SLC25A37: variants seen among roughly 807,000 people sequenced by gnomAD.
The protein encoded by SLC25A37 is mitoferrin-1.
In SLC25A37, 17 loss-of-function variants were observed where a neutral mutation model predicts 31.0. The ratio of observed to expected loss-of-function variants is 0.55; its 90% CI spans 0.38 to 0.82. The LOEUF (loss-of-function observed/expected upper bound fraction) is 0.82. SLC25A37 is among the 40% of genes least tolerant of loss of function. SLC25A37 has a pLI of 0.00. For synonymous variants in SLC25A37, 222 were observed against 193.0 expected (o/e 1.15, Z -1.24); for missense variants, 404 against 465.8 (o/e 0.87, Z 1.22).
In SLC25A37 at chr8:23,575,257, A is replaced by G. The variant is rs1159166357; in HGVS notation, c.*3402A>G. 6.6e-6 allele frequency: 1 copy of G among 152,260 alleles called. No individual in the cohort carries two copies. Among genetic ancestry groups the G allele is most frequent in the East Asian group, 1.9e-4 (1 of 5,164 alleles). 9.4% of individuals were successfully genotyped at this position (152,260 alleles called of 1,614,324 possible). On this transcript the variant is annotated 3_prime_UTR_variant, in exon 4 of 4. Coordinates refer to ENST00000519973, the MANE Select transcript of SLC25A37 (RefSeq NM_016612.4). ...AAATGTACTGCTGCTTCCTACCTGC[A>G]AGACGAACAATGTATGTTTCAAGGG...
chr8:23,546,503 ATATATATAGG>A, intron 1 of SLC25A37, among the ~76,000 whole-genome samples: 1 of 133,790 alleles, frequency 7.5e-6, no homozygotes, highest in East Asian at 2.6e-4. Flanking sequence ...GTGTGTATAT[ATATATATAGG>A]TATATATATA....
At position 23,571,727 on chromosome 8, in the gene SLC25A37, G is replaced by A. The variant is rs781356111; in HGVS notation, c.889G>A (p.Gly297Ser). 2 of 1,614,010 alleles carry A rather than the reference G, an allele frequency of 1.2e-6. No individual in the cohort carries two copies. The highest frequency in any genetic ancestry group is 1.7e-6 in the Non-Finnish European group (2 of 1,179,896). ...RTVYQLNGLA[G>S]YFKGIQARVI... ...GGTGTACCAGCTCAACGGCCTGGCC[G>A]GCTACTTCAAAGGCATCCAGGCGCG... Residue 297 changes from glycine to serine, a missense_variant, in exon 4 of 4, where the codon GGC becomes AGC. By Grantham distance (56) the Gly-to-Ser change is moderately conservative (BLOSUM62 0). Coordinates refer to ENST00000519973, the MANE Select transcript of SLC25A37 (RefSeq NM_016612.4).
At position 23,573,505 on chromosome 8, in the gene SLC25A37, AC is replaced by A. The variant is rs1476254654; in HGVS notation, c.*1653del. The A allele has an allele frequency of 2.2e-5, 5 of 229,482 alleles. No individual in the cohort carries two copies. Among genetic ancestry groups the A allele is most frequent in the African/African-American group, 1.1e-4 (5 of 44,726 alleles). 14.2% of individuals were successfully genotyped at this position (229,482 alleles called of 1,614,324 possible). A position where few individuals can be genotyped will look rare whatever the true frequency, so the allele number is the denominator to read the frequency against. On this transcript the variant is annotated 3_prime_UTR_variant, in exon 4 of 4. Coordinates refer to ENST00000519973, the MANE Select transcript of SLC25A37 (RefSeq NM_016612.4). ...GTGAGCCGGGTCCTGACCTGCCGCC[AC>A]CCATCACGGTCAGCGTGGTGCATCT...
intron 3 of SLC25A37, among the ~76,000 whole-genome samples, chr8:23,570,898 G>C (rs1246228310): frequency 6.6e-6 from 1 of 152,176 alleles, no homozygotes; most frequent in Non-Finnish European, 1.5e-5. Context: ...GAATACACAA[G>C]GGGGCACGCT....
At chr8:23,530,250 A>T (rs1476469781) in intron 1 of SLC25A37, among the ~76,000 whole-genome samples, 1 of 152,154 alleles carries the variant, frequency 6.6e-6, no homozygotes, top group Non-Finnish European at 1.5e-5. Context: ...AGGCTCCTAC[A>T]CCACCTCCTA....
At chr8:23,551,342 G>A (rs561936130) in intron 1 of SLC25A37, among the ~76,000 whole-genome samples, 2 of 152,252 alleles carry the variant, frequency 1.3e-5, no homozygotes, top group South Asian at 2.1e-4. Flanking sequence ...GTCCCTTAGG[G>A]GGCCACCAGG....
intron 1 of SLC25A37, among the ~76,000 whole-genome samples, chr8:23,557,284 C>T (rs906686155): frequency 6.6e-6 from 1 of 152,168 alleles, no homozygotes; most frequent in Non-Finnish European, 1.5e-5. Context: ...TGGTTTTGGA[C>T]GGGGAACGGG....
At chr8:23,548,532 G>A (rs1326333813) in intron 1 of SLC25A37, among the ~76,000 whole-genome samples, 3 of 146,700 alleles carry the variant, frequency 2.0e-5, no homozygotes, top group Non-Finnish European at 3.0e-5. Context: ...GTGCAGTGGC[G>A]CAATGTCGGC....
chr8:23,563,007 G>A (rs777182698), intron 1 of SLC25A37, among the ~76,000 whole-genome samples: 3 of 152,178 alleles, frequency 2.0e-5, no homozygotes, highest in Non-Finnish European at 4.4e-5. Context: ...TTCCCAGCAT[G>A]AACACTTGGC....
rs866493187 is a variant in SLC25A37, at chr8:23,569,402, T to C, written c.496+1024T>C. 9.3e-5 allele frequency among the ~76,000 whole-genome samples: 14 copies of C among 150,254 alleles called. No homozygotes were observed. The East Asian group carries it at 2.2e-3, about 23-fold the overall frequency. On this transcript the variant is annotated intron_variant, in intron 3 of 3. Coordinates refer to ENST00000519973, the MANE Select transcript of SLC25A37 (RefSeq NM_016612.4). ...CACTATTCTAAAACCTATGTGTGCA[T>C]ACACACACACACACACACACACACA...
intron 1 of SLC25A37, among the ~76,000 whole-genome samples, chr8:23,535,196 A>C (rs1341346290): frequency 6.6e-6 from 1 of 152,152 alleles, no homozygotes; most frequent in African/African-American, 2.4e-5. Context: ...TGGACAGCCC[A>C]TCTGTCCCTT....
At chr8:23,560,324 G>T (rs1420512989) in intron 1 of SLC25A37, among the ~76,000 whole-genome samples, 4 of 152,174 alleles carry the variant, frequency 2.6e-5, no homozygotes, top group Non-Finnish European at 5.9e-5. Context: ...CTCTCTGGCT[G>T]TGGCCACTTC....
chr8:23,532,687 C>T (rs1436302815), intron 1 of SLC25A37, among the ~76,000 whole-genome samples: 1 of 152,194 alleles, frequency 6.6e-6, no homozygotes, highest in Admixed American at 6.5e-5. Flanking sequence ...CTAGGATGAG[C>T]CCTCCTTCCC....
At chr8:23,545,797 G>A (rs949743250) in intron 1 of SLC25A37, among the ~76,000 whole-genome samples, 6 of 152,058 alleles carry the variant, frequency 3.9e-5, no homozygotes, top group Non-Finnish European at 8.8e-5. Flanking sequence ...ACAGCAGTTC[G>A]AGACCAGCCT....
chr8:23,568,284 C>T (rs770491509), intron 2 of SLC25A37, 38 bp from the exon 3 acceptor site: 12 of 1,611,684 alleles, frequency 7.4e-6, no homozygotes, highest in Admixed American at 5.0e-5. Flanking sequence ...TGAGAACACC[C>T]GATCGCAGAG....
In SLC25A37 at chr8:23,554,243, A is replaced by G. The variant is rs1381918461; in HGVS notation, c.211-11865A>G. 2.0e-5 allele frequency among the ~76,000 whole-genome samples: 3 copies of G among 152,148 alleles called. No individual in the cohort carries two copies. In the East Asian group the frequency reaches 5.8e-4, roughly 29 times the overall value. On this transcript the variant is annotated intron_variant, in intron 1 of 3. Coordinates refer to ENST00000519973, the MANE Select transcript of SLC25A37 (RefSeq NM_016612.4). The stretch of plus-strand genomic sequence containing the variant: ...TTGTTATAATTATTTTGTAAATAGA[A>G]GGGTTGAAGGTTCAGGGAAGCAAGT...
In SLC25A37 at chr8:23,571,511, C is replaced by G; in HGVS notation, c.673C>G (p.Gln225Glu). 1.9e-6 allele frequency: 3 copies of G among 1,613,976 alleles called. No individual in the cohort carries two copies. The highest frequency in any genetic ancestry group is 2.5e-6 in the Non-Finnish European group (3 of 1,179,872). Residue 225 changes from glutamine (Q) to glutamate (E), a missense_variant, in exon 4 of 4, where the codon CAG (glutamine) becomes GAG (glutamate). Coordinates refer to ENST00000519973, the MANE Select transcript of SLC25A37 (RefSeq NM_016612.4). ...HFITYEFLQEQVNPHRTYNPQ... is the reference protein window; with the variant it reads ...HFITYEFLQEEVNPHRTYNPQ... ...CATCACCTATGAGTTCCTGCAGGAG[C>G]AGGTCAACCCCCACCGGACCTACAA...
chr8:23,566,146 G>A lies in SLC25A37; in HGVS notation c.249G>A (p.Gln83=). 6.2e-7 allele frequency: 1 copy of A among 1,602,322 alleles called. No individual in the cohort carries two copies. The highest frequency in any genetic ancestry group is 8.5e-7 in the Non-Finnish European group (1 of 1,176,482). ...MQSLSPDPKA[Q]YTSIYGALKK... ...GTTTGAGTCCAGATCCCAAAGCCCAGTACACAAGTATCTACGGAGCCCTCA... is the reference window on the plus strand; with the variant it reads ...GTTTGAGTCCAGATCCCAAAGCCCAATACACAAGTATCTACGGAGCCCTCA... Residue 83 remains glutamine, a synonymous_variant, in exon 2 of 4, where the codon CAG becomes CAA. Coordinates refer to ENST00000519973, the MANE Select transcript of SLC25A37 (RefSeq NM_016612.4).
At chr8:23,566,435 C>T (rs1175996251) in intron 2 of SLC25A37, 99 bp downstream of exon 2, 2 of 1,497,070 alleles carry the variant, frequency 1.3e-6, no homozygotes, top group Non-Finnish European at 1.8e-6. Flanking sequence ...TCGACTTCGG[C>T]CCGCTTGCTC....
Sources: gnomAD v4.1 joint callset for allele counts (sites outside exome capture counted in the v4.1 genomes callset) on GRCh38, gnomAD v4.1.1 for gene constraint, MANE v1.5 for transcripts, NCBI Gene and HGNC (gene_info 2026-07-23, HGNC 2026-07-21) for gene names.